STPG2: variants seen among roughly 807,000 people sequenced by gnomAD.
STPG2 encodes sperm tail PG-rich repeat containing 2.
In STPG2, 56 loss-of-function variants were observed where a neutral mutation model predicts 54.2. The ratio of observed to expected loss-of-function variants is 1.03; its 90% CI spans 0.83 to 1.29. The LOEUF (loss-of-function observed/expected upper bound fraction) is 1.29, where lower values mean the gene tolerates loss of function less well. Among genes scored for constraint, STPG2 ranks in the 50% most tolerant of loss-of-function variants. The pLI, the probability that STPG2 is intolerant of heterozygous loss-of-function variation, is 0.00. For missense variants in STPG2, 596 were observed against 544.9 expected, an observed-to-expected ratio of 1.09 and a Z score of -0.93; for synonymous variants, 200 against 181.8, an observed-to-expected ratio of 1.10 and a Z score of -0.81.
At chr4:97,943,157 T>C (rs1394971445) in intron 8 of STPG2, among the ~76,000 whole-genome samples, 3 of 152,110 alleles carry the variant, frequency 2.0e-5, no homozygotes, top group Non-Finnish European at 4.4e-5. Context: ...GGGCCTATTT[T>C]ATAAGAGTAC....
intron 7 of STPG2, among the ~76,000 whole-genome samples, chr4:97,953,091 C>T (rs777912807): frequency 1.3e-5 from 2 of 152,108 alleles, no homozygotes; most frequent in South Asian, 2.1e-4. Flanking sequence ...TTAGGGCAAA[C>T]GGAGGAGCAA....
At chr4:97,589,531 C>G (rs562185275) in intron 10 of STPG2, among the ~76,000 whole-genome samples, 1 of 152,028 alleles carries the variant, frequency 6.6e-6, no homozygotes, top group Non-Finnish European at 1.5e-5. Context: ...CTTAACCATA[C>G]GACAATTTTC....
intron 9 of STPG2, among the ~76,000 whole-genome samples, chr4:97,780,748 A>G: frequency 6.6e-6 from 1 of 151,972 alleles, no homozygotes; most frequent in Non-Finnish European, 1.5e-5. Context: ...ACCACAGTGC[A>G]ATCAAACTAG....
intron 7 of STPG2, among the ~76,000 whole-genome samples, chr4:97,961,068 A>C (rs1733866497): frequency 1.3e-5 from 2 of 149,190 alleles, no homozygotes; most frequent in Admixed American, 1.3e-4. Context: ...CTGGTCTTCA[A>C]CAAAGCAAAC....
chr4:97,856,904 C>T (rs1318809582), intron 8 of STPG2, among the ~76,000 whole-genome samples: 1 of 152,156 alleles, frequency 6.6e-6, no homozygotes, highest in Non-Finnish European at 1.5e-5. Context: ...TTTTCTGCAT[C>T]TATTAAGATA....
chr4:98,097,116 AT>A (rs1241510040), intron 5 of STPG2, among the ~76,000 whole-genome samples: 62 of 152,230 alleles, frequency 4.1e-4, no homozygotes, highest in Non-Finnish European at 7.3e-5. Context: ...TTCCAAACTC[AT>A]TCTATGAGGC....
At chr4:97,910,126 T>C (rs1731621468) in intron 8 of STPG2, among the ~76,000 whole-genome samples, 1 of 152,132 alleles carries the variant, frequency 6.6e-6, no homozygotes, top group South Asian at 2.1e-4. Context: ...TTTGTAGAGA[T>C]TGTTATGCAG....
At chr4:97,995,463 C>T (rs1189201732) in intron 5 of STPG2, among the ~76,000 whole-genome samples, 1 of 152,138 alleles carries the variant, frequency 6.6e-6, no homozygotes, top group Non-Finnish European at 1.5e-5. Context: ...TGCCTCCTAT[C>T]CACCATTTTC....
At chr4:97,475,839 A>G (rs934489002) in intron 4 of STPG2, among the ~76,000 whole-genome samples, 4 of 152,162 alleles carry the variant, frequency 2.6e-5, no homozygotes, top group Admixed American at 1.3e-4. Context: ...TCCTCTTCAC[A>G]GAGACTTTCC....
At chr4:97,718,922 A>C (rs1335411345) in intron 9 of STPG2, among the ~76,000 whole-genome samples, 1 of 151,974 alleles carries the variant, frequency 6.6e-6, no homozygotes, top group Non-Finnish European at 1.5e-5. Context: ...TCCTAATCCA[A>C]AAATCTGAAA....
At chr4:97,759,713 T>G (rs1725835058) in intron 9 of STPG2, among the ~76,000 whole-genome samples, 1 of 152,074 alleles carries the variant, frequency 6.6e-6, no homozygotes. Context: ...ATATTTAAGG[T>G]GGCCAGCAAA....
At chr4:98,028,288 T>G (rs1736492583) in intron 5 of STPG2, among the ~76,000 whole-genome samples, 1 of 152,220 alleles carries the variant, frequency 6.6e-6, no homozygotes, top group South Asian at 2.1e-4. Flanking sequence ...GGCTTAACAG[T>G]TCTTCCTTCA....
intron 10 of STPG2, among the ~76,000 whole-genome samples, chr4:97,563,695 T>A (rs1732330560): frequency 6.6e-6 from 1 of 152,214 alleles, no homozygotes; most frequent in South Asian, 2.1e-4. Flanking sequence ...TTTCGTTATG[T>A]ACCCAGTAGT....
At chr4:97,595,325 T>G (rs1733257907) in intron 10 of STPG2, among the ~76,000 whole-genome samples, 1 of 150,994 alleles carries the variant, frequency 6.6e-6, no homozygotes, top group South Asian at 2.1e-4. Flanking sequence ...CTGGAAACCA[T>G]CATTCTCAGC....
chr4:97,951,825 C>A (rs900186415), intron 7 of STPG2, among the ~76,000 whole-genome samples: 5 of 152,012 alleles, frequency 3.3e-5, no homozygotes, highest in South Asian at 2.1e-4. Context: ...GTAGGATAGG[C>A]GTCCCAGGGA....
chr4:98,040,780 C>T (rs1736929618), intron 5 of STPG2, among the ~76,000 whole-genome samples: 1 of 151,824 alleles, frequency 6.6e-6, no homozygotes, highest in South Asian at 2.1e-4. Context: ...GTTCCTTTTG[C>T]TTAGGATTGC....
intron 10 of STPG2, among the ~76,000 whole-genome samples, chr4:97,610,768 T>C (rs1162955255): frequency 1.3e-5 from 2 of 151,948 alleles, no homozygotes; most frequent in Non-Finnish European, 2.9e-5. Context: ...AAGATCAATA[T>C]ACTTGATGAC....
chr4:97,866,058 G>A (rs72686434), intron 8 of STPG2, among the ~76,000 whole-genome samples: 24,446 of 151,626 alleles, frequency 0.16, 2,133 homozygotes, highest in East Asian at 0.36. Context: ...TTGAACTCAT[G>A]GAGATTTCAA....
chr4:98,004,527 A>G (rs1322303269), intron 5 of STPG2, among the ~76,000 whole-genome samples: 1 of 152,152 alleles, frequency 6.6e-6, no homozygotes, highest in Non-Finnish European at 1.5e-5. Context: ...TCCAGATCAT[A>G]TGGTAGTTCG....
Sources: gnomAD v4.1 joint callset for allele counts (sites outside exome capture counted in the v4.1 genomes callset) on GRCh38, gnomAD v4.1.1 for gene constraint, MANE v1.5 for transcripts, NCBI Gene and HGNC (gene_info 2026-07-23, HGNC 2026-07-21) for gene names.